The following CASK variants were observed in gnomAD, a reference collection of about 807,000 sequenced individuals.
CASK encodes the protein peripheral plasma membrane protein CASK.
Under a neutral mutation model 82.9 loss-of-function variants are expected in CASK, and 4 were observed. That is an observed-to-expected ratio of 0.05 (90% CI 0.02 to 0.11). CASK has a LOEUF of 0.11. Among genes scored for constraint, CASK ranks in the 10% least tolerant of loss-of-function variants. CASK has a pLI of 1.00. For synonymous variants in CASK, 259 were observed against 253.5 expected, an observed-to-expected ratio of 1.02 and a Z score of -0.20; for missense variants, 358 against 720.9, an observed-to-expected ratio of 0.50 and a Z score of 5.76.
At chrX:41,845,605 G>A (rs1423699366) in intron 2 of CASK, among the ~76,000 whole-genome samples, 2 of 111,232 alleles carry the variant, frequency 1.8e-5, no homozygotes, top group Non-Finnish European at 3.8e-5. Flanking sequence ...TAAATCTGAA[G>A]TATGTCTCTT....
At chrX:41,743,997 C>T (rs1476958602) in intron 4 of CASK, among the ~76,000 whole-genome samples, 5 of 109,251 alleles carry the variant, frequency 4.6e-5, no homozygotes, top group Non-Finnish European at 9.5e-5. Context: ...GTAATCCCAG[C>T]TACTTGGGAG....
intron 5 of CASK, among the ~76,000 whole-genome samples, chrX:41,677,734 C>T (rs1319384730): frequency 8.9e-6 from 1 of 111,987 alleles, no homozygotes; most frequent in African/African-American, 3.2e-5. Flanking sequence ...CTGAGGATGC[C>T]TCTTTTTAAC....
intron 2 of CASK, among the ~76,000 whole-genome samples, chrX:41,804,369 C>G (rs994282677): frequency 1.2e-4 from 13 of 111,199 alleles, no homozygotes; most frequent in African/African-American, 4.2e-4. Flanking sequence ...ACCAACCAAC[C>G]CTCAATAGGT....
intron 12 of CASK, among the ~76,000 whole-genome samples, chrX:41,607,865 A>G (rs1188545424): frequency 3.6e-5 from 4 of 112,071 alleles, no homozygotes; most frequent in Non-Finnish European, 7.5e-5. Context: ...GACGGTGTGG[A>G]AAAGACCTCC....
Position 41,520,700 on chromosome X carries a change from T to C in CASK, c.2605-104A>G. Reference sequence around the variant, plus strand: ...CGTTCTCTTTTCACATTTTTGTTCATCCCAGTGTCAGAAACAGTCAAGGCC... The same window carrying C: ...CGTTCTCTTTTCACATTTTTGTTCACCCCAGTGTCAGAAACAGTCAAGGCC... On this transcript the variant is annotated intron_variant, in intron 26 of 26. Coordinates refer to ENST00000378163, the MANE Select transcript of CASK (RefSeq NM_001367721.1). 3 of 744,823 alleles carry C rather than the reference T, an allele frequency of 4.0e-6. No homozygotes were observed. In the South Asian group the frequency reaches 6.5e-5, roughly 16 times the overall value. The allele number at this position is 744,823 out of a possible 1,213,427, so 61.4% of individuals were successfully genotyped here.
intron 10 of CASK, among the ~76,000 whole-genome samples, chrX:41,624,692 TTGTG>T (rs771388078): frequency 4.5e-5 from 5 of 111,224 alleles, no homozygotes; most frequent in South Asian, 3.8e-4. Flanking sequence ...TGGTAAGAAA[TTGTG>T]TGTGTGTGTA....
intron 1 of CASK, 86 bp from the exon 2 acceptor site, chrX:41,853,313 A>T (rs1004845437): frequency 1.8e-5 from 10 of 541,738 alleles, no homozygotes; most frequent in Non-Finnish European, 2.8e-5. Context: ...TTATCTATAT[A>T]ATATAGATAA....
intron 9 of CASK, among the ~76,000 whole-genome samples, chrX:41,631,769 C>A (rs1327781961): frequency 9.0e-6 from 1 of 110,977 alleles, no homozygotes; most frequent in Non-Finnish European, 1.9e-5. Context: ...CCGTGCCTGG[C>A]CTATATATGT....
chrX:41,790,811 C>T (rs2069698325), intron 2 of CASK, among the ~76,000 whole-genome samples: 1 of 111,834 alleles, frequency 8.9e-6, no homozygotes, highest in South Asian at 3.7e-4. Context: ...CTATAGATTC[C>T]ACGAATATTA....
chrX:41,727,146 T>A (rs779510512), intron 5 of CASK: 7 of 1,204,274 alleles, frequency 5.8e-6, no homozygotes. Context: ...AATGGATATT[T>A]TTAACAAAAA....
intron 1 of CASK, among the ~76,000 whole-genome samples, chrX:41,895,862 C>T (rs1338256929): frequency 1.8e-5 from 2 of 110,552 alleles, no homozygotes; most frequent in Admixed American, 1.9e-4. Context: ...GAAAATAATC[C>T]TTTTTTTTAA....
In CASK at chrX:41,553,705, G is replaced by A. The variant is rs770764666; in HGVS notation, c.2039+14C>T. ...TTTATAACCAAGCAAAGCAAAACAC[G>A]CATAAAAACATACCATTCCTGAAGT... On this transcript the variant is annotated intron_variant, in intron 21 of 26. Transcript: ENST00000378163. 18 of 1,155,538 alleles carry A rather than the reference G, an allele frequency of 1.6e-5. No homozygotes were observed. In the South Asian group the frequency reaches 2.4e-4, roughly 15 times the overall value.
At chrX:41,535,622 G>A (rs2064864151) in intron 22 of CASK, among the ~76,000 whole-genome samples, 1 of 111,219 alleles carries the variant, frequency 9.0e-6, no homozygotes, top group African/African-American at 3.3e-5. Flanking sequence ...AATATGTAAG[G>A]AGAGTTACAT....
At chrX:41,531,768 G>A (rs915537360) in intron 24 of CASK, among the ~76,000 whole-genome samples, 2 of 111,687 alleles carry the variant, frequency 1.8e-5, no homozygotes, top group Non-Finnish European at 3.8e-5. Flanking sequence ...GAAAAGTGAT[G>A]TTCTATAACA....
chrX:41,768,204 A>G (rs1328603662), intron 3 of CASK, among the ~76,000 whole-genome samples: 9 of 110,913 alleles, frequency 8.1e-5, no homozygotes, highest in Admixed American at 5.8e-4. Context: ...CCTTACCTTC[A>G]GGCACTCTAA....
At chrX:41,829,848 T>G (rs1302105956) in intron 2 of CASK, among the ~76,000 whole-genome samples, 1 of 96,018 alleles carries the variant, frequency 1.0e-5, no homozygotes, top group African/African-American at 3.8e-5. Flanking sequence ...TGGCTCTTCA[T>G]TCTCACTGCC....
intron 21 of CASK, among the ~76,000 whole-genome samples, chrX:41,552,273 C>G (rs2065111105): frequency 9.1e-6 from 1 of 110,076 alleles, no homozygotes; most frequent in Non-Finnish European, 1.9e-5. Flanking sequence ...CTTTCAAGGT[C>G]ATTTGAAAAA....
Position 41,569,672 on chromosome X carries a change from C to T in CASK, c.1578G>A (p.Arg526=), listed in dbSNP as rs1161745194. The change falls in exon 16 of 27, where the codon AGG becomes AGA. Residue 526 remains arginine, a synonymous_variant. Coordinates refer to ENST00000378163, the MANE Select transcript of CASK (RefSeq NM_001367721.1). ...AGAAATATATATGAAACTTACCTTG[C>T]CTGTGAATCATGCCCCCATGCATAA... is the stretch of plus-strand genomic sequence containing the variant. ...ARIMHGGMIH[R]QGTLHVGDEI... is the part of the protein sequence containing the mutation. 5.2e-6 allele frequency: 6 copies of T among 1,161,079 alleles called. No individual in the cohort carries two copies. The highest frequency in any genetic ancestry group is 7.0e-6 in the Non-Finnish European group (6 of 852,460).
At chrX:41,556,970 C>G in intron 19 of CASK, 62 bp downstream of exon 19, 1 of 879,987 alleles carries the variant, frequency 1.1e-6, no homozygotes, top group East Asian at 3.1e-5. Context: ...AACTAGAACA[C>G]TCATGGCAGG....
Sources: allele counts gnomAD v4.1 joint callset (sites outside exome capture counted in the v4.1 genomes callset), GRCh38; gene constraint gnomAD v4.1.1; transcripts MANE v1.5; gene names NCBI Gene and HGNC (gene_info 2026-07-23, HGNC 2026-07-21).